ZEB2: variants seen among roughly 807,000 people sequenced by gnomAD.
ZEB2 encodes the protein zinc finger E-box-binding homeobox 2.
A neutral mutation model predicts 99.9 loss-of-function variants in ZEB2; 6 were observed. That is an observed-to-expected ratio of 0.06 (90% CI 0.03 to 0.12). ZEB2 has a LOEUF of 0.12. Ranked by LOEUF, ZEB2 falls within the 10% of genes least tolerant of loss-of-function variation. The probability of loss-of-function intolerance (pLI) is 1.00; values close to 1 mark genes in which losing one functional copy is unlikely to be tolerated. For synonymous variants in ZEB2, 517 were observed against 542.5 expected (o/e 0.95, Z 0.65); for missense variants, 969 against 1,502.8 (o/e 0.64, Z 5.87).
At chr2:144,442,285 T>C (rs1327728179) in intron 2 of ZEB2, among the ~76,000 whole-genome samples, 1 of 152,182 alleles carries the variant, frequency 6.6e-6, no homozygotes, top group African/African-American at 2.4e-5. Flanking sequence ...GCATATATGC[T>C]CTTTTAGTGA....
intron 2 of ZEB2, among the ~76,000 whole-genome samples, chr2:144,490,294 T>A (rs1425231995): frequency 6.6e-6 from 1 of 152,212 alleles, no homozygotes; most frequent in Admixed American, 6.5e-5. Context: ...TTAAATGAGA[T>A]AATGTATACA....
chr2:144,393,128 G>A (rs1244315857), intron 9 of ZEB2, among the ~76,000 whole-genome samples: 1 of 152,152 alleles, frequency 6.6e-6, no homozygotes, highest in African/African-American at 2.4e-5. Flanking sequence ...GTGCCTAACA[G>A]GAGTTTCAGA....
At chr2:144,440,939 A>C (rs1703907829) in intron 2 of ZEB2, among the ~76,000 whole-genome samples, 1 of 151,216 alleles carries the variant, frequency 6.6e-6, no homozygotes, top group Admixed American at 6.6e-5. Flanking sequence ...GTCTTCTTGC[A>C]GCTGATGTCA....
chr2:144,507,718 A>G (rs1704970130), intron 2 of ZEB2, among the ~76,000 whole-genome samples: 1 of 152,214 alleles, frequency 6.6e-6, no homozygotes, highest in South Asian at 2.1e-4. Context: ...AATGTACCAT[A>G]TCTGATGACA....
intron 4 of ZEB2, among the ~76,000 whole-genome samples, chr2:144,420,902 C>T (rs536780377): frequency 1.3e-3 from 195 of 152,196 alleles, no homozygotes; most frequent in Non-Finnish European, 1.1e-3. Context: ...GACTGAAGAA[C>T]GTCCTGTAGG....
chr2:144,450,302 GA>G (rs1184056432), intron 2 of ZEB2: 1 of 152,150 alleles, frequency 6.6e-6, no homozygotes, highest in East Asian at 1.9e-4. Flanking sequence ...AGTGTTTTGA[GA>G]GCTGAATTAC....
intron 7 of ZEB2, 119 bp from the exon 8 acceptor site, chr2:144,400,389 T>C: frequency 9.3e-7 from 1 of 1,078,120 alleles, no homozygotes; most frequent in Non-Finnish European, 1.4e-6. Flanking sequence ...ACCTCTACAT[T>C]CTAGGTACTT....
intron 5 of ZEB2, among the ~76,000 whole-genome samples, chr2:144,404,530 G>C (rs1703357754): frequency 6.6e-6 from 1 of 152,046 alleles, no homozygotes. Flanking sequence ...GGGAGTGTCG[G>C]TCTCAACTTT....
rs1703125376 is a variant in ZEB2 at position 144,389,481 on chromosome 2, G to A, written c.3615C>T (p.His1205=). The change falls in exon 10 of 10, where the codon CAC becomes CAT. Residue 1205 remains histidine, a synonymous_variant. Transcript: ENST00000627532. This position sits in a 1 kb window ranked among gnomAD's most constrained non-coding sequence, Gnocchi z 6.8. ...EDGKMETKSD[H]EEDNMEDGM ...TGCCATCTTCCATATTGTCTTCCTC[G>A]TGGTCTGATTTGGTTTCCATTTTCC... 5.0e-6 allele frequency: 8 copies of A among 1,613,974 alleles called. No homozygotes were observed. Among genetic ancestry groups the A allele is most frequent in the Non-Finnish European group, 6.8e-6 (8 of 1,180,020 alleles).
chr2:144,474,579 G>A (rs1313633451), intron 2 of ZEB2, among the ~76,000 whole-genome samples: 2 of 152,138 alleles, frequency 1.3e-5, no homozygotes, highest in Admixed American at 1.3e-4. Context: ...TACCAGTGTT[G>A]TAATCATTGA....
chr2:144,451,149 C>T (rs72992157), intron 2 of ZEB2, among the ~76,000 whole-genome samples: 5,142 of 152,282 alleles, frequency 0.034, 288 homozygotes, highest in African/African-American at 0.11. Flanking sequence ...TATTACTACA[C>T]ATGAGATCAT....
At chr2:144,454,998 T>TA (rs1573765069) in intron 2 of ZEB2, 1 of 152,130 alleles carries the variant, frequency 6.6e-6, no homozygotes, top group East Asian at 1.9e-4. Context: ...CACATATGAC[T>TA]AGGGAGCCGA....
chr2:144,402,313 G>A (rs1241529007), intron 6 of ZEB2, among the ~76,000 whole-genome samples: 3 of 152,158 alleles, frequency 2.0e-5, no homozygotes, highest in Non-Finnish European at 4.4e-5. Context: ...GAAACGGTAT[G>A]ACAACTGCTA....
At chr2:144,403,356 C>T (rs1703338120) in intron 6 of ZEB2, among the ~76,000 whole-genome samples, 2 of 151,956 alleles carry the variant, frequency 1.3e-5, no homozygotes, top group African/African-American at 4.8e-5. Flanking sequence ...CGTTTTAGTA[C>T]TAATCCAATT....
intron 2 of ZEB2, among the ~76,000 whole-genome samples, chr2:144,441,473 T>C (rs1024910549): frequency 6.6e-6 from 1 of 151,628 alleles, no homozygotes; most frequent in African/African-American, 2.4e-5. Context: ...CCAAATCATA[T>C]GCTTCTTCCT....
rs1703086487 is a variant in ZEB2, at chr2:144,386,575, T to G, written c.*2876A>C. ...CACCCTCCTCTACTTCGTGCACACT[T>G]TCTTCTTTCCAAGGAGAAAGAGTTA... On this transcript the variant is annotated 3_prime_UTR_variant, in exon 10 of 10. Coordinates refer to ENST00000627532, the MANE Select transcript of ZEB2 (RefSeq NM_014795.4). 1 of 152,148 alleles carries G rather than the reference T, an allele frequency of 6.6e-6. No homozygotes were observed. Among genetic ancestry groups the G allele is most frequent in the Non-Finnish European group, 1.5e-5 (1 of 68,022 alleles). The allele number at this position is 152,148 out of a possible 1,614,324, so 9.4% of individuals were successfully genotyped here.
chr2:144,405,226 C>G, intron 4 of ZEB2: 1 of 607,666 alleles, frequency 1.6e-6, no homozygotes, highest in East Asian at 2.8e-5. Flanking sequence ...CACTTTCCTT[C>G]AAGTTAAATA....
At chr2:144,504,104 A>AC (rs1389368508) in intron 2 of ZEB2, 4 of 110,342 alleles carry the variant, frequency 3.6e-5, no homozygotes, top group South Asian at 2.8e-4. Context: ...ACAACAAAAA[A>AC]AACAAACCAC....
Position 144,398,560 on chromosome 2 carries a change from T to C in ZEB2, c.2627A>G (p.Asp876Gly), listed in dbSNP as rs779103467. 1.2e-5 allele frequency: 19 copies of C among 1,614,150 alleles called. No individual in the cohort carries two copies. The highest frequency in any genetic ancestry group is 1.6e-5 in the Non-Finnish European group (19 of 1,180,014). The change falls in exon 8 of 10, where the codon GAC becomes GGC. Residue 876 changes from aspartate to glycine, a missense_variant. Asp to Gly is a moderately conservative substitution (Grantham distance 94). Transcript: ENST00000627532. ...KKEFSNSNNL[D>G]NKSTNPVFSM... is the part of the protein sequence containing the mutation. ...GAACACTGGGTTAGTGCTTTTGTTG[T>C]CCAGATTATTTGAATTTGAAAATTC...
Sources: gnomAD v4.1 joint callset for allele counts (sites outside exome capture counted in the v4.1 genomes callset) on GRCh38, gnomAD v4.1.1 for gene constraint, Gnocchi (gnomAD v3.1) non-coding constraint, MANE v1.5 for transcripts, NCBI Gene and HGNC (gene_info 2026-07-23, HGNC 2026-07-21) for gene names.